ROR1: variants seen among roughly 807,000 people sequenced by gnomAD.
ROR1 encodes ROR family WNT receptor 1.
ROR1 carries 19 observed loss-of-function variants against 78.8 expected under a neutral mutation model. The observed-to-expected ratio is 0.24, with a 90% confidence interval of 0.17 to 0.35. The LOEUF is 0.35. ROR1 is among the 10% of genes least tolerant of loss of function. The pLI, the probability that ROR1 is intolerant of heterozygous loss-of-function variation, is 1.00. For missense variants in ROR1, 917 were observed against 1,177.8 expected (o/e 0.78, Z 3.24); for synonymous variants, 386 against 433.6 (o/e 0.89, Z 1.36).
chr1:63,808,437 C>G (rs895004147), intron 1 of ROR1, among the ~76,000 whole-genome samples: 1 of 152,156 alleles, frequency 6.6e-6, no homozygotes, highest in South Asian at 2.1e-4. Flanking sequence ...ACATGAGAGA[C>G]AAATATACTT....
At chr1:64,042,857 C>T (rs1316319034) in intron 2 of ROR1, among the ~76,000 whole-genome samples, 2 of 152,188 alleles carry the variant, frequency 1.3e-5, no homozygotes, top group Non-Finnish European at 2.9e-5. Context: ...AGGTTGATAG[C>T]GTGAACAGAA....
intron 1 of ROR1, among the ~76,000 whole-genome samples, chr1:63,892,424 G>A (rs535939740): frequency 4.9e-4 from 75 of 152,242 alleles, no homozygotes; most frequent in Middle Eastern, 3.4e-3. Context: ...TATAAGGTAT[G>A]ATTTGTACAA....
chr1:64,114,866 A>G (rs1648253849), intron 4 of ROR1, among the ~76,000 whole-genome samples: 1 of 152,192 alleles, frequency 6.6e-6, no homozygotes, highest in Non-Finnish European at 1.5e-5. Context: ...TAAATCCTCC[A>G]TTAACTGGAA....
chr1:63,804,532 A>G (rs1019650048), intron 1 of ROR1, among the ~76,000 whole-genome samples: 1 of 152,230 alleles, frequency 6.6e-6, no homozygotes, highest in Non-Finnish European at 1.5e-5. Context: ...CTAGAACTCT[A>G]CAGTGAAGAA....
At chr1:63,814,676 G>A (rs1311753279) in intron 1 of ROR1, among the ~76,000 whole-genome samples, 1 of 151,972 alleles carries the variant, frequency 6.6e-6, no homozygotes, top group African/African-American at 2.4e-5. Flanking sequence ...CCTCGCATAT[G>A]CAGTTCACAA....
intron 4 of ROR1, among the ~76,000 whole-genome samples, chr1:64,091,237 C>G (rs1224513612): frequency 4.6e-5 from 7 of 152,046 alleles, no homozygotes; most frequent in African/African-American, 1.7e-4. Flanking sequence ...CGGCCAGTCA[C>G]AGTTTAGCAT....
intron 1 of ROR1, among the ~76,000 whole-genome samples, chr1:63,873,272 C>T (rs1645263375): frequency 6.6e-6 from 1 of 152,164 alleles, no homozygotes; most frequent in African/African-American, 2.4e-5. Context: ...ATTCTGGCTA[C>T]AGCTAAATGA....
chr1:63,960,633 T>C (rs1646020328), intron 1 of ROR1, among the ~76,000 whole-genome samples: 1 of 152,212 alleles, frequency 6.6e-6, no homozygotes, highest in South Asian at 2.1e-4. Flanking sequence ...TGCCGGACTT[T>C]GCTTAAGTAA....
rs1570042731 is a variant in ROR1 at position 64,002,912 on chromosome 1, G to A, written c.92-6393G>A. Among the ~76,000 whole-genome samples the A allele has an allele frequency of 2.6e-5, 4 of 152,284 alleles. No homozygotes were observed. In the South Asian group the frequency reaches 8.3e-4, roughly 32 times the overall value. On this transcript the variant is annotated intron_variant, in intron 1 of 8. Transcript: ENST00000371079. ...GGCTGAAGGGGGTTTAAGCCAGGGAGCAAGTGGTTATGTCTCTCAGCTCCT... is the reference window on the plus strand; with the variant it reads ...GGCTGAAGGGGGTTTAAGCCAGGGAACAAGTGGTTATGTCTCTCAGCTCCT...
At chr1:63,903,436 T>C (rs1645501968) in intron 1 of ROR1, among the ~76,000 whole-genome samples, 1 of 149,506 alleles carries the variant, frequency 6.7e-6, no homozygotes, top group Non-Finnish European at 1.5e-5. Context: ...CATTTTAGGT[T>C]TTTTTTTTTA....
intron 2 of ROR1, among the ~76,000 whole-genome samples, chr1:64,042,454 A>G (rs705532): frequency 0.74 from 112,459 of 152,128 alleles, 43,177 homozygotes; most frequent in East Asian, 0.93. Flanking sequence ...CAAGCAGTCT[A>G]GCTCCAGAGC....
chr1:63,947,930 G>C (rs1351169149), intron 1 of ROR1, among the ~76,000 whole-genome samples: 1 of 152,130 alleles, frequency 6.6e-6, no homozygotes, highest in East Asian at 1.9e-4. Context: ...GTTGCTAATA[G>C]TTGCTGTCAT....
intron 1 of ROR1, among the ~76,000 whole-genome samples, chr1:63,833,901 A>C (rs1303028340): frequency 6.6e-6 from 1 of 151,432 alleles, no homozygotes; most frequent in Non-Finnish European, 1.5e-5. Context: ...TGCTTTACAA[A>C]TATTTATGGC....
intron 7 of ROR1, among the ~76,000 whole-genome samples, chr1:64,158,180 A>T (rs1649828940): frequency 6.6e-6 from 1 of 152,190 alleles, no homozygotes; most frequent in African/African-American, 2.4e-5. Flanking sequence ...AAGCAATGGG[A>T]TATAAGATTT....
intron 1 of ROR1, among the ~76,000 whole-genome samples, chr1:63,837,222 A>G (rs901406575): frequency 1.3e-5 from 2 of 152,238 alleles, no homozygotes; most frequent in Non-Finnish European, 2.9e-5. Context: ...CCTCCACAGT[A>G]GGGCTGCATT....
At chr1:63,948,719 C>T (rs1192666657) in intron 1 of ROR1, among the ~76,000 whole-genome samples, 2 of 152,140 alleles carry the variant, frequency 1.3e-5, no homozygotes, top group Non-Finnish European at 2.9e-5. Flanking sequence ...GAGGACAAAG[C>T]CCTTCTGAAT....
chr1:63,968,825 G>A (rs1350365254), intron 1 of ROR1, among the ~76,000 whole-genome samples: 1 of 152,206 alleles, frequency 6.6e-6, no homozygotes, highest in Non-Finnish European at 1.5e-5. Context: ...CAGCAGCACA[G>A]CCAGCATATG....
chr1:64,004,112 C>T (rs1646409162), intron 1 of ROR1, among the ~76,000 whole-genome samples: 1 of 152,218 alleles, frequency 6.6e-6, no homozygotes. Flanking sequence ...GCATGTATTT[C>T]CTTTTGAGCC....
At chr1:63,775,184 CGCGCGTGT>C (rs922028585) in intron 1 of ROR1, 15 of 152,116 alleles carry the variant, frequency 9.9e-5, no homozygotes, top group African/African-American at 3.6e-4. Context: ...CGCGCGCGCG[CGCGCGTGT>C]GTGTGTGCGT....
Sources: allele counts gnomAD v4.1 joint callset (sites outside exome capture counted in the v4.1 genomes callset), GRCh38; gene constraint gnomAD v4.1.1; transcripts MANE v1.5; gene names NCBI Gene and HGNC (gene_info 2026-07-23, HGNC 2026-07-21).